PDE2A: variants seen among roughly 807,000 people sequenced by gnomAD.
PDE2A encodes phosphodiesterase 2A.
A neutral mutation model predicts 133.6 loss-of-function variants in PDE2A; 53 were observed. That is an observed-to-expected ratio of 0.40 (90% CI 0.32 to 0.50). PDE2A has a LOEUF of 0.50. PDE2A is among the 20% of genes least tolerant of loss of function. The pLI, the probability that PDE2A is intolerant of heterozygous loss-of-function variation, is 0.73. For missense variants in PDE2A, 796 were observed against 1,232.4 expected (o/e 0.65, Z 5.30); for synonymous variants, 491 against 490.2 (o/e 1.00, Z -0.02).
intron 1 of PDE2A, chr11:72,652,832 C>G: frequency 2.4e-6 from 1 of 408,442 alleles, no homozygotes; most frequent in South Asian, 1.8e-5. Flanking sequence ...AGGGCCTCCC[C>G]CAGTCCTTCC....
chr11:72,595,958 C>G (rs984629876), intron 6 of PDE2A, among the ~76,000 whole-genome samples: 2 of 152,094 alleles, frequency 1.3e-5, no homozygotes, highest in African/African-American at 4.8e-5. Context: ...CCACCACTTC[C>G]CACTAACACT....
chr11:72,630,453 A>G (rs1161560562), intron 2 of PDE2A, among the ~76,000 whole-genome samples: 3 of 151,846 alleles, frequency 2.0e-5, no homozygotes, highest in African/African-American at 7.3e-5. Flanking sequence ...CCCAGAGGAA[A>G]GGAGGCTAGA....
intron 4 of PDE2A, among the ~76,000 whole-genome samples, chr11:72,603,025 A>T (rs949397821): frequency 7.9e-5 from 12 of 152,062 alleles, no homozygotes; most frequent in Admixed American, 7.9e-4. Context: ...CCTTCCCCCA[A>T]TCCTTTTTCA....
chr11:72,616,594 G>A (rs1402722080), intron 2 of PDE2A, among the ~76,000 whole-genome samples: 2 of 152,236 alleles, frequency 1.3e-5, no homozygotes, highest in East Asian at 3.8e-4. Context: ...TCTAGGCAGG[G>A]GAGATAGCTG....
At chr11:72,639,063 T>G (rs533638067) in intron 2 of PDE2A, among the ~76,000 whole-genome samples, 1 of 152,320 alleles carries the variant, frequency 6.6e-6, no homozygotes, top group Non-Finnish European at 1.5e-5. Context: ...CTCAGACTTC[T>G]CTAAGCCTTC....
chr11:72,664,014 G>A (rs1855154482), intron 1 of PDE2A, among the ~76,000 whole-genome samples: 1 of 152,218 alleles, frequency 6.6e-6, no homozygotes, highest in African/African-American at 2.4e-5. Context: ...TGCCAGTGAG[G>A]GTCAGGGTAC....
chr11:72,609,635 A>C (rs1032634549), intron 2 of PDE2A, among the ~76,000 whole-genome samples: 2 of 152,174 alleles, frequency 1.3e-5, no homozygotes, highest in African/African-American at 4.8e-5. Context: ...GGCCAGAGCC[A>C]TGGGGATCAA....
intron 1 of PDE2A, among the ~76,000 whole-genome samples, chr11:72,661,286 C>G (rs1855046977): frequency 6.6e-6 from 1 of 152,124 alleles, no homozygotes; most frequent in Non-Finnish European, 1.5e-5. Context: ...GCCTGGGTGA[C>G]AGAGCAAGAC....
chr11:72,584,654 G>T lies in PDE2A; in HGVS notation c.1434C>A (p.Ile478=). The change falls in exon 18 of 31, where the codon ATC becomes ATA. Residue 478 remains isoleucine, a synonymous_variant. Transcript: ENST00000334456. ...AAAGCGGATGGGCATATGCGTCAGG[G>T]ATGTTCAGGATCTGGCCCGTGGTCG... ...HVATTGQILN[I]PDAYAHPLFY... is the part of the protein sequence containing the mutation. 1 of 1,613,466 alleles carries T rather than the reference G, an allele frequency of 6.2e-7. No homozygotes were observed. The highest frequency in any genetic ancestry group is 8.5e-7 in the Non-Finnish European group (1 of 1,180,036).
Position 72,577,711 on chromosome 11 carries a change from G to T in PDE2A, c.2616-117C>A, listed in dbSNP as rs886421798. On this transcript the variant is annotated intron_variant, in intron 30 of 30. Transcript: ENST00000334456. ...ACAAGGGCCAGGTACGGTAGCTCAC[G>T]CCTGTAATCCCAACACTCAGAGATG... The T allele has an allele frequency of 8.3e-6, 6 of 721,830 alleles. No individual in the cohort carries two copies. In the African/African-American group the frequency reaches 8.7e-5, roughly 10 times the overall value. 44.7% of individuals were successfully genotyped at this position (721,830 alleles called of 1,614,324 possible).
At chr11:72,618,874 T>C (rs1283080965) in intron 2 of PDE2A, among the ~76,000 whole-genome samples, 1 of 5,330 alleles carries the variant, frequency 1.9e-4, no homozygotes, top group Non-Finnish European at 6.9e-4. Context: ...CCTCCCAACA[T>C]AAACAGCCCA....
intron 1 of PDE2A, among the ~76,000 whole-genome samples, chr11:72,666,918 CA>C (rs1463890502): frequency 2.6e-5 from 4 of 152,124 alleles, no homozygotes; most frequent in African/African-American, 9.7e-5. Flanking sequence ...CCAGCCTGGC[CA>C]ACATGGTGAA....
At chr11:72,671,969 CCT>C (rs35360874) in intron 1 of PDE2A, among the ~76,000 whole-genome samples, 1,636 of 152,180 alleles carry the variant, frequency 0.011, 17 homozygotes, top group Middle Eastern at 0.037. Context: ...GCACTACACC[CCT>C]GACCCCAGTC....
At chr11:72,657,510 C>G (rs466929) in intron 1 of PDE2A, among the ~76,000 whole-genome samples, 2,423 of 152,242 alleles carry the variant, frequency 0.016, 66 homozygotes, top group African/African-American at 0.056. Flanking sequence ...GCCCCAGCCC[C>G]GCTCACACAC....
At chr11:72,629,042 T>C (rs939514418) in intron 2 of PDE2A, among the ~76,000 whole-genome samples, 3 of 152,002 alleles carry the variant, frequency 2.0e-5, no homozygotes, top group Non-Finnish European at 4.4e-5. Context: ...CACTAACTGT[T>C]TTGGGGATGA....
At chr11:72,582,081 T>C (rs1855748849) in intron 21 of PDE2A, 134 bp from the exon 22 acceptor site, 1 of 719,932 alleles carries the variant, frequency 1.4e-6, no homozygotes, top group South Asian at 1.6e-5. Flanking sequence ...AACCACAAAA[T>C]AGTTGAAGCA....
In PDE2A at chr11:72,590,801, A is replaced by C; in HGVS notation, c.550-221T>G. The C allele has an allele frequency of 2.2e-6, 1 of 446,920 alleles. No individual in the cohort carries two copies. Among genetic ancestry groups the C allele is most frequent in the Non-Finnish European group, 3.9e-6 (1 of 256,878 alleles). The allele number at this position is 446,920 out of a possible 1,614,324, so 27.7% of individuals were successfully genotyped here. A position where few individuals can be genotyped will look rare whatever the true frequency, so the allele number is the denominator to read the frequency against. ...CGGCGGTCCAGGAACAGGAGGGTAC[A>C]GGGTCTATCTCCATCCCTAGCCCCT... On this transcript the variant is annotated intron_variant, in intron 7 of 30. Transcript: ENST00000334456. This position sits in a 1 kb window ranked among gnomAD's most constrained non-coding sequence, Gnocchi z 4.8.
intron 2 of PDE2A, among the ~76,000 whole-genome samples, chr11:72,629,424 TC>T (rs1858259105): frequency 6.6e-6 from 1 of 152,220 alleles, no homozygotes; most frequent in African/African-American, 2.4e-5. Context: ...ATCCAGTCTT[TC>T]CTGGCGGGTG....
chr11:72,593,736 G>A (rs1856355631), intron 6 of PDE2A, among the ~76,000 whole-genome samples: 1 of 152,138 alleles, frequency 6.6e-6, no homozygotes, highest in South Asian at 2.1e-4. Flanking sequence ...TTTGAGCAGT[G>A]AGCTGTAAAG....
Sources: allele counts gnomAD v4.1 joint callset (sites outside exome capture counted in the v4.1 genomes callset), GRCh38; gene constraint gnomAD v4.1.1; non-coding constraint Gnocchi (gnomAD v3.1); transcripts MANE v1.5; gene names NCBI Gene and HGNC (gene_info 2026-07-23, HGNC 2026-07-21).